Variants in ASZ1 observed in about 807,000 individuals in gnomAD.
ASZ1 encodes the protein ankyrin repeat, SAM and basic leucine zipper domain-containing protein 1.
Under a neutral mutation model 61.8 loss-of-function variants are expected in ASZ1, and 67 were observed. The ratio of observed to expected loss-of-function variants is 1.08; its 90% confidence interval spans 0.89 to 1.33. ASZ1 has a LOEUF of 1.33. ASZ1 is among the 40% of genes most tolerant of loss of function. ASZ1 has a pLI of 0.00. For missense variants in ASZ1, 577 were observed against 554.5 expected (o/e 1.04, Z -0.41); for synonymous variants, 193 against 192.7 (o/e 1.00, Z -0.01).
intron 4 of ASZ1, among the ~76,000 whole-genome samples, chr7:117,419,903 A>T (rs1380990193): frequency 2.7e-4 from 41 of 152,206 alleles, no homozygotes; most frequent in Non-Finnish European, 2.8e-4. Flanking sequence ...TTCACAAGAA[A>T]AGATACTATA....
Position 117,367,442 on chromosome 7 carries a change from G to T in ASZ1, c.1185C>A (p.Pro395=), listed in dbSNP as rs147994188. The change falls in exon 12 of 13, where the codon CCC becomes CCA. Residue 395 remains proline, a synonymous_variant. Coordinates refer to ENST00000284629, the MANE Select transcript of ASZ1 (RefSeq NM_130768.3). ...SQKITLEWAS[P]QNFTSVCEEL... ...CTTCACAAACTGAAGTAAAATTCTG[G>T]GGAGAAGCCCATTCCAGTGTTATCT... 1.3e-6 allele frequency: 2 copies of T among 1,542,164 alleles called. No homozygotes were observed. Among genetic ancestry groups the T allele is most frequent in the South Asian group, 2.6e-5 (2 of 78,110 alleles).
chr7:117,380,986 G>T (rs771393711), intron 9 of ASZ1, 25 bp downstream of exon 9: 19 of 1,535,710 alleles, frequency 1.2e-5, no homozygotes, highest in Non-Finnish European at 1.7e-5. Flanking sequence ...ACAATGTATC[G>T]GGAATTTTTG....
Position 117,421,832 on chromosome 7 carries a change from C to A in ASZ1, c.328+405G>T, listed in dbSNP as rs563551156. 1.1e-3 allele frequency among the ~76,000 whole-genome samples: 165 copies of A among 152,206 alleles called. 1 individual carries two copies. Among genetic ancestry groups the A allele is most frequent in the African/African-American group, 3.9e-3 (164 of 41,554 alleles). On this transcript the variant is annotated intron_variant, in intron 3 of 12. Coordinates refer to ENST00000284629, the MANE Select transcript of ASZ1 (RefSeq NM_130768.3). ...CTTCTGAATGGAAATTATTTAGTAA[C>A]AAGGACAAAGATGGATTTCATGAAC...
intron 4 of ASZ1, among the ~76,000 whole-genome samples, chr7:117,390,912 C>G (rs1327349196): frequency 6.6e-6 from 1 of 152,100 alleles, no homozygotes; most frequent in Non-Finnish European, 1.5e-5. Flanking sequence ...CCATCATGGC[C>G]AGGCTGGTCT....
At chr7:117,416,328 T>C (rs1005364921) in intron 4 of ASZ1, among the ~76,000 whole-genome samples, 1 of 152,214 alleles carries the variant, frequency 6.6e-6, no homozygotes, top group African/African-American at 2.4e-5. Context: ...TGCCTTAGCA[T>C]AGAGCCTAAA....
At chr7:117,425,802 G>A (rs1007994649) in intron 2 of ASZ1, among the ~76,000 whole-genome samples, 8 of 151,094 alleles carry the variant, frequency 5.3e-5, no homozygotes, top group Admixed American at 2.0e-4. Context: ...CAGCCTGGCC[G>A]ACATGGTGAA....
At chr7:117,404,957 C>T (rs1796754047) in intron 4 of ASZ1, among the ~76,000 whole-genome samples, 1 of 152,110 alleles carries the variant, frequency 6.6e-6, no homozygotes, top group Non-Finnish European at 1.5e-5. Flanking sequence ...GACTCTCTCC[C>T]CTTCTGTTTG....
At chr7:117,397,908 C>T (rs1796606241) in intron 4 of ASZ1, among the ~76,000 whole-genome samples, 1 of 152,242 alleles carries the variant, frequency 6.6e-6, no homozygotes, top group South Asian at 2.1e-4. Context: ...TCTGGTTGTC[C>T]ACAGGCGAAC....
At chr7:117,378,081 T>C (rs12534129) in intron 10 of ASZ1, among the ~76,000 whole-genome samples, 81,525 of 151,848 alleles carry the variant, frequency 0.54, 24,639 homozygotes, top group African/African-American at 0.83. Context: ...ATAAAACTTC[T>C]GGGAAAAAAG....
chr7:117,409,158 T>C (rs191161931), intron 4 of ASZ1, among the ~76,000 whole-genome samples: 2 of 151,892 alleles, frequency 1.3e-5, no homozygotes, highest in African/African-American at 4.8e-5. Context: ...GGGAATATGA[T>C]TGGGGAGGAT....
chr7:117,421,591 AAGAC>A (rs1234676288), intron 3 of ASZ1, among the ~76,000 whole-genome samples: 1 of 152,216 alleles, frequency 6.6e-6, no homozygotes, highest in African/African-American at 2.4e-5. Flanking sequence ...AACTGTTGCT[AAGAC>A]AGAAATTTAT....
chr7:117,418,497 A>G (rs1797038545), intron 4 of ASZ1, among the ~76,000 whole-genome samples: 1 of 152,060 alleles, frequency 6.6e-6, no homozygotes, highest in African/African-American at 2.4e-5. Flanking sequence ...TACTAAAAAT[A>G]CAAAAATCAG....
At chr7:117,421,611 A>T (rs1797101535) in intron 3 of ASZ1, among the ~76,000 whole-genome samples, 1 of 152,234 alleles carries the variant, frequency 6.6e-6, no homozygotes, top group African/African-American at 2.4e-5. Context: ...TTTATGTAAA[A>T]TATATAAATG....
intron 4 of ASZ1, among the ~76,000 whole-genome samples, chr7:117,392,972 G>C (rs964763064): frequency 4.0e-5 from 6 of 150,504 alleles, no homozygotes; most frequent in African/African-American, 7.4e-5. Flanking sequence ...TCAGCTTCCT[G>C]AGTAGCTGGA....
intron 4 of ASZ1, among the ~76,000 whole-genome samples, chr7:117,389,952 A>T (rs922769749): frequency 1.3e-5 from 2 of 152,148 alleles, no homozygotes; most frequent in African/African-American, 4.8e-5. Context: ...GGTAGCTCTG[A>T]CGGATAAGTG....
chr7:117,393,841 C>T (rs190544547), intron 4 of ASZ1, among the ~76,000 whole-genome samples: 6 of 152,206 alleles, frequency 3.9e-5, no homozygotes, highest in Admixed American at 3.9e-4. Flanking sequence ...TGATCAAGTT[C>T]TCTTAGTTTC....
rs1797111252 is a variant in ASZ1, at chr7:117,422,253, A to G, written c.312T>C (p.Asn104=). 2 of 1,613,672 alleles carry G rather than the reference A, an allele frequency of 1.2e-6. No homozygotes were observed. ...LVRVLLDRGA[N]ASFEKDKQSI... ...ACATCTTACCCTTCTCAAAGCTTGC[A>G]TTAGCACCTCTGTCCAAAAGGACCC... Residue 104 remains asparagine, a synonymous_variant, in exon 3 of 13, where the codon AAT becomes AAC. Coordinates refer to ENST00000284629, the MANE Select transcript of ASZ1 (RefSeq NM_130768.3).
intron 10 of ASZ1, 113 bp downstream of exon 10, chr7:117,379,825 C>G: frequency 1.6e-6 from 1 of 637,132 alleles, no homozygotes; most frequent in East Asian, 3.0e-5. Context: ...AATCTATTAC[C>G]CTGGGAAAAT....
intron 11 of ASZ1, chr7:117,367,695 GATTA>G: frequency 1.0e-6 from 1 of 979,854 alleles, no homozygotes; most frequent in Non-Finnish European, 1.3e-6. Flanking sequence ...TCTATATGGA[GATTA>G]ATATTAGTAA....
Sources: gnomAD v4.1 joint callset for allele counts (sites outside exome capture counted in the v4.1 genomes callset) on GRCh38, gnomAD v4.1.1 for gene constraint, MANE v1.5 for transcripts, NCBI Gene and HGNC (gene_info 2026-07-23, HGNC 2026-07-21) for gene names.